Variants in GNA14 observed in about 807,000 individuals in gnomAD.
The protein encoded by GNA14 is guanine nucleotide-binding protein subunit alpha-14.
Under a neutral mutation model 42.0 loss-of-function variants are expected in GNA14, and 50 were observed. The observed-to-expected ratio is 1.19, with a 90% CI of 0.95 to 1.51. GNA14 has a LOEUF of 1.51. Among genes scored for constraint, GNA14 ranks in the 40% most tolerant of loss-of-function variants. The pLI, the probability that GNA14 is intolerant of heterozygous loss-of-function variation, is 0.00. For missense variants in GNA14, 473 were observed against 446.2 expected (o/e 1.06, Z -0.54); for synonymous variants, 173 against 163.1 (o/e 1.06, Z -0.46).
intron 1 of GNA14, among the ~76,000 whole-genome samples, chr9:77,605,362 C>T (rs1042929289): frequency 3.3e-5 from 5 of 152,160 alleles, no homozygotes; most frequent in Admixed American, 2.6e-4. Flanking sequence ...CCAGCCACCC[C>T]GGTGATGGGG....
intron 1 of GNA14, among the ~76,000 whole-genome samples, chr9:77,590,235 C>CAG (rs1162521768): frequency 6.6e-6 from 1 of 152,062 alleles, no homozygotes; most frequent in Non-Finnish European, 1.5e-5. Context: ...GTTTTAAGCT[C>CAG]AGCAAAACTC....
intron 1 of GNA14, among the ~76,000 whole-genome samples, chr9:77,632,287 C>A (rs1466133511): frequency 6.6e-6 from 1 of 152,162 alleles, no homozygotes; most frequent in African/African-American, 2.4e-5. Context: ...GCCATGGGTG[C>A]CATGAACAGC....
intron 1 of GNA14, among the ~76,000 whole-genome samples, chr9:77,560,603 A>C (rs975679180): frequency 4.6e-5 from 7 of 152,158 alleles, no homozygotes; most frequent in Non-Finnish European, 7.3e-5. Context: ...GGTGTGAGAC[A>C]CTGTGCCTAG....
intron 1 of GNA14, among the ~76,000 whole-genome samples, chr9:77,639,235 A>G (rs1824222725): frequency 6.6e-6 from 1 of 152,222 alleles, no homozygotes; most frequent in Non-Finnish European, 1.5e-5. Flanking sequence ...CCTATGGTAG[A>G]AAGCTAAGGC....
intron 1 of GNA14, among the ~76,000 whole-genome samples, chr9:77,637,486 A>G (rs933970395): frequency 1.3e-5 from 2 of 152,254 alleles, no homozygotes; most frequent in African/African-American, 4.8e-5. Context: ...ATATGGAAGG[A>G]ATTTCTATAT....
intron 2 of GNA14, among the ~76,000 whole-genome samples, chr9:77,475,854 G>C (rs1428735385): frequency 6.6e-6 from 1 of 152,186 alleles, no homozygotes; most frequent in Non-Finnish European, 1.5e-5. Flanking sequence ...GCTCGATGCT[G>C]TGGGTTGGGG....
chr9:77,604,311 G>T (rs113756307), intron 1 of GNA14, among the ~76,000 whole-genome samples: 2,889 of 152,212 alleles, frequency 0.019, 99 homozygotes, highest in African/African-American at 0.066. Context: ...CAACTATCCG[G>T]TAGAGATAGA....
chr9:77,479,489 T>C (rs958932586), intron 2 of GNA14, among the ~76,000 whole-genome samples: 12 of 152,224 alleles, frequency 7.9e-5, no homozygotes, highest in African/African-American at 2.9e-4. Flanking sequence ...TGGCTTAGGA[T>C]TGACTTGGTG....
intron 2 of GNA14, among the ~76,000 whole-genome samples, chr9:77,515,800 C>CA (rs1325713303): frequency 6.6e-6 from 1 of 150,910 alleles, no homozygotes; most frequent in Non-Finnish European, 1.5e-5. Flanking sequence ...CCCATCTTTA[C>CA]AAAAAAATAA....
intron 1 of GNA14, among the ~76,000 whole-genome samples, chr9:77,560,523 C>G (rs1822865357): frequency 6.6e-6 from 1 of 151,898 alleles, no homozygotes. Flanking sequence ...CCCATGTTGC[C>G]CAGGCTGGTC....
chr9:77,567,400 G>T (rs1188666643), intron 1 of GNA14, among the ~76,000 whole-genome samples: 2 of 152,070 alleles, frequency 1.3e-5, no homozygotes, highest in South Asian at 2.1e-4. Flanking sequence ...TTCCAATAAA[G>T]AACTAACTTT....
At chr9:77,505,458 T>C (rs539211736) in intron 2 of GNA14, among the ~76,000 whole-genome samples, 1 of 152,324 alleles carries the variant, frequency 6.6e-6, no homozygotes, top group Non-Finnish European at 1.5e-5. Flanking sequence ...TCTATGTGGC[T>C]GACTCTCTCC....
intron 1 of GNA14, among the ~76,000 whole-genome samples, chr9:77,645,217 A>G (rs1462623777): frequency 6.6e-6 from 1 of 152,172 alleles, no homozygotes; most frequent in Non-Finnish European, 1.5e-5. Context: ...CCAAACTCCC[A>G]TTTGCAAAGT....
At chr9:77,642,603 T>TA (rs960615177) in intron 1 of GNA14, among the ~76,000 whole-genome samples, 1 of 151,882 alleles carries the variant, frequency 6.6e-6, no homozygotes, top group Non-Finnish European at 1.5e-5. Flanking sequence ...CTGTCTCTAC[T>TA]AAAAAATATA....
chr9:77,563,889 T>A (rs1159351539), intron 1 of GNA14, among the ~76,000 whole-genome samples: 3 of 152,280 alleles, frequency 2.0e-5, no homozygotes, highest in Admixed American at 2.0e-4. Context: ...TCAGAGTTTA[T>A]CCAGAAGACC....
intron 2 of GNA14, among the ~76,000 whole-genome samples, chr9:77,515,085 C>T (rs776178939): frequency 6.6e-6 from 1 of 152,070 alleles, no homozygotes; most frequent in Non-Finnish European, 1.5e-5. Flanking sequence ...GCGAGAGACA[C>T]GTTCAAGAAA....
intron 2 of GNA14, among the ~76,000 whole-genome samples, chr9:77,446,596 T>A (rs1835821400): frequency 6.6e-6 from 1 of 152,090 alleles, no homozygotes; most frequent in African/African-American, 2.4e-5. Flanking sequence ...TCCATCTTTC[T>A]TTTCCCATTT....
chr9:77,455,767 A>G (rs1302055370), intron 2 of GNA14, among the ~76,000 whole-genome samples: 1 of 152,200 alleles, frequency 6.6e-6, no homozygotes, highest in Non-Finnish European at 1.5e-5. Context: ...TAGGAATCGC[A>G]TGAGTGAACC....
At chr9:77,433,418 ACT>A (rs1835589734) in intron 3 of GNA14, among the ~76,000 whole-genome samples, 3 of 151,692 alleles carry the variant, frequency 2.0e-5, no homozygotes, top group East Asian at 1.9e-4. Context: ...ACAGAGTCTC[ACT>A]CTGTCACTCA....
Sources: gnomAD v4.1 joint callset for allele counts (sites outside exome capture counted in the v4.1 genomes callset) on GRCh38, gnomAD v4.1.1 for gene constraint, MANE v1.5 for transcripts, NCBI Gene and HGNC (gene_info 2026-07-23, HGNC 2026-07-21) for gene names.